The following WHRN variants were observed in gnomAD, a reference collection of about 807,000 sequenced individuals.
The protein encoded by WHRN is CASK-interacting protein CIP98.
In WHRN, 41 loss-of-function variants were observed where a neutral mutation model predicts 68.3. The observed-to-expected ratio is 0.60, with a 90% CI of 0.47 to 0.78. The LOEUF (loss-of-function observed/expected upper bound fraction) is 0.78, where lower values mean the gene tolerates loss of function less well. Ranked by LOEUF, WHRN falls within the 30% of genes least tolerant of loss-of-function variation. The pLI is 0.00. For missense variants in WHRN, 1,243 were observed against 1,244.7 expected, an observed-to-expected ratio of 1.00 and a Z score of 0.02; for synonymous variants, 560 against 561.3, an observed-to-expected ratio of 1.00 and a Z score of 0.03.
chr9:114,428,868 G>A (rs1176418541), intron 3 of WHRN, among the ~76,000 whole-genome samples: 1 of 151,576 alleles, frequency 6.6e-6, no homozygotes, highest in Non-Finnish European at 1.5e-5. Context: ...ACGTGAGCGA[G>A]CTAGCATCCT....
Position 114,504,952 on chromosome 9 carries a change from C to T in WHRN, c.-151G>A, listed in dbSNP as rs1213233721. On this transcript the variant is annotated 5_prime_UTR_variant, in exon 1 of 12. Transcript: ENST00000362057. Reference sequence around the variant, plus strand: ...GGGAGCACGGGTACAGTGGCTGGATCCTAGGGGGTCGCGGAGACCGCTGCT... The same window carrying T: ...GGGAGCACGGGTACAGTGGCTGGATTCTAGGGGGTCGCGGAGACCGCTGCT... 2.6e-6 allele frequency: 3 copies of T among 1,161,832 alleles called. No individual in the cohort carries two copies. In the Admixed American group the frequency reaches 1.3e-4, roughly 49 times the overall value. 72.0% of individuals were successfully genotyped at this position (1,161,832 alleles called of 1,614,324 possible).
intron 1 of WHRN, among the ~76,000 whole-genome samples, chr9:114,493,951 G>A (rs903819428): frequency 6.6e-6 from 1 of 152,204 alleles, no homozygotes; most frequent in African/African-American, 2.4e-5. Context: ...TTCTCCGTTA[G>A]CAGCCAGCCG....
chr9:114,455,188 G>T (rs946991766), intron 3 of WHRN, among the ~76,000 whole-genome samples: 1 of 150,712 alleles, frequency 6.6e-6, no homozygotes, highest in African/African-American at 2.4e-5. Flanking sequence ...TTATTAAAAT[G>T]AAAAATTCTT....
chr9:114,457,480 C>T (rs1254427960), intron 3 of WHRN, among the ~76,000 whole-genome samples: 1 of 151,980 alleles, frequency 6.6e-6, no homozygotes, highest in Non-Finnish European at 1.5e-5. Flanking sequence ...TGAGAAGGGA[C>T]AATTCTTCCT....
chr9:114,426,035 T>C, intron 4 of WHRN, 176 bp downstream of exon 4: 1 of 756,752 alleles, frequency 1.3e-6, no homozygotes. Context: ...ATGGGGAAAC[T>C]GAGGCCAAGA....
chr9:114,424,899 G>A (rs940950609), intron 5 of WHRN, 89 bp downstream of exon 5: 16 of 1,407,744 alleles, frequency 1.1e-5, no homozygotes, highest in Middle Eastern at 1.8e-4. Flanking sequence ...ATGAGGTAGT[G>A]TAAGTCACTC....
Position 114,426,234 on chromosome 9 carries a change from C to T in WHRN, c.1143G>A (p.Arg381=), listed in dbSNP as rs748279121. 6.2e-7 allele frequency: 1 copy of T among 1,612,470 alleles called. No homozygotes were observed. The highest frequency in any genetic ancestry group is 1.7e-5 in the Admixed American group (1 of 60,028). Residue 381 remains arginine, a synonymous_variant, in exon 4 of 12, where the codon AGG becomes AGA. Coordinates refer to ENST00000362057, the MANE Select transcript of WHRN (RefSeq NM_015404.4). ...ACCCTGCCGAGTTCGCCATGGTCTC[C>T]CTGATCCGGGAACTGGCGATCCACT... ...ETKWIASSRI[R]ETMANSAGFL...
At chr9:114,466,713 T>A (rs187876621) in intron 2 of WHRN, among the ~76,000 whole-genome samples, 3 of 152,266 alleles carry the variant, frequency 2.0e-5, no homozygotes, top group African/African-American at 7.2e-5. Context: ...ACTTTGCTCA[T>A]GCTCTTCACG....
intron 2 of WHRN, among the ~76,000 whole-genome samples, chr9:114,470,816 C>A (rs960554111): frequency 6.6e-6 from 1 of 152,020 alleles, no homozygotes; most frequent in East Asian, 1.9e-4. Flanking sequence ...GTCAGTCCCC[C>A]GCCCCACCCC....
chr9:114,406,613 T>C lies in WHRN; in HGVS notation c.1978A>G (p.Ser660Gly), dbSNP rs1315033895. ...TGGGCGTCCAGCGGCCTCTTGGAGC[T>C]GGGGTTGGCAGGGGAGACGGAGGCA... ...IYASVSPANP[S>G]SKRPLDAHLA... Residue 660 changes from serine (S) to glycine (G), a missense_variant, in exon 9 of 12, where the codon AGC becomes GGC. Coordinates refer to ENST00000362057, the MANE Select transcript of WHRN (RefSeq NM_015404.4). 2 of 1,610,284 alleles carry C rather than the reference T, an allele frequency of 1.2e-6. No individual in the cohort carries two copies. Among genetic ancestry groups the C allele is most frequent in the East Asian group, 2.2e-5 (1 of 44,790 alleles).
chr9:114,449,615 A>C (rs1304182389), intron 3 of WHRN, among the ~76,000 whole-genome samples: 3 of 152,204 alleles, frequency 2.0e-5, no homozygotes, highest in Non-Finnish European at 2.9e-5. Flanking sequence ...AGAGTATCAT[A>C]AGGAAGGACT....
intron 2 of WHRN, among the ~76,000 whole-genome samples, chr9:114,467,490 G>A (rs78539272): frequency 0.055 from 8,275 of 151,800 alleles, 540 homozygotes; most frequent in African/African-American, 0.16. Context: ...CTGATGAGAC[G>A]GGAGGGTGAG....
intron 5 of WHRN, 74 bp from the exon 6 acceptor site, chr9:114,424,620 T>A: frequency 1.4e-6 from 2 of 1,462,680 alleles, no homozygotes; most frequent in Non-Finnish European, 1.9e-6. Flanking sequence ...ACTCCCCCTC[T>A]GCCCTTCCAT....
chr9:114,464,838 ATGATG>A (rs2132933280), intron 3 of WHRN, among the ~76,000 whole-genome samples: 1 of 134,976 alleles, frequency 7.4e-6, no homozygotes, highest in African/African-American at 3.6e-5. Context: ...GATGATGATG[ATGATG>A]ATGATGATGA....
intron 1 of WHRN, among the ~76,000 whole-genome samples, chr9:114,483,236 A>G (rs1353349745): frequency 6.6e-6 from 1 of 152,132 alleles, no homozygotes; most frequent in African/African-American, 2.4e-5. Flanking sequence ...CAGACTTTCA[A>G]TATCTACGCA....
chr9:114,489,470 A>G (rs1210824465), intron 1 of WHRN, among the ~76,000 whole-genome samples: 8 of 148,600 alleles, frequency 5.4e-5, no homozygotes, highest in South Asian at 2.1e-4. Context: ...ACATACACAC[A>G]CACACACACG....
chr9:114,436,304 T>C (rs1837842568), intron 3 of WHRN, among the ~76,000 whole-genome samples: 1 of 152,184 alleles, frequency 6.6e-6, no homozygotes, highest in South Asian at 2.1e-4. Flanking sequence ...ATACATGACA[T>C]TATGTATTGA....
intron 3 of WHRN, among the ~76,000 whole-genome samples, chr9:114,438,316 T>C (rs1450307709): frequency 6.6e-6 from 1 of 152,126 alleles, no homozygotes; most frequent in Non-Finnish European, 1.5e-5. Context: ...CAAGGTACCA[T>C]TTCTCATCTA....
At chr9:114,478,417 C>T (rs1224189299) in intron 2 of WHRN, 136 bp downstream of exon 2, 1 of 934,648 alleles carries the variant, frequency 1.1e-6, no homozygotes, top group Admixed American at 1.8e-5. Context: ...CACCACCCTT[C>T]AGTACAGACT....
Sources: gnomAD v4.1 joint callset for allele counts (sites outside exome capture counted in the v4.1 genomes callset) on GRCh38, gnomAD v4.1.1 for gene constraint, MANE v1.5 for transcripts, NCBI Gene and HGNC (gene_info 2026-07-23, HGNC 2026-07-21) for gene names.